The following ZNF540 variants were observed in gnomAD, a reference collection of about 807,000 sequenced individuals.
The protein encoded by ZNF540 is CTD-3064H18.6.
Under a neutral mutation model 11.8 loss-of-function variants are expected in ZNF540, and 3 were observed. That is an observed-to-expected ratio of 0.25 (90% confidence interval 0.12 to 0.65). The LOEUF (loss-of-function observed/expected upper bound fraction) is 0.65, where lower values mean the gene tolerates loss of function less well. ZNF540 is among the 30% of genes least tolerant of loss of function. The pLI is 0.83. For missense variants in ZNF540, 709 were observed against 793.1 expected (o/e 0.89, Z 1.27); for synonymous variants, 247 against 259.0 (o/e 0.95, Z 0.45).
intron 2 of ZNF540, 106 bp downstream of exon 2, chr19:37,598,562 C>A: frequency 1.5e-6 from 2 of 1,298,296 alleles, no homozygotes; most frequent in East Asian, 2.3e-5. Context: ...TTCTTCATCC[C>A]CACATTTCCA....
upstream of ZNF540, among the ~76,000 whole-genome samples, chr19:37,593,125 G>GTT (rs767668305): frequency 6.8e-6 from 1 of 146,522 alleles, no homozygotes. Context: ...CTTATTGTTA[G>GTT]TTTTTTTTTT....
chr19:37,571,578 T>C (rs914945204), intron 1 of ZNF540, among the ~76,000 whole-genome samples: 1 of 152,208 alleles, frequency 6.6e-6, no homozygotes, highest in African/African-American at 2.4e-5. Context: ...CCCCAACTTA[T>C]GATACTTAGA....
chr19:37,574,894 C>A (rs1357991036), intron 1 of ZNF540, among the ~76,000 whole-genome samples: 3 of 152,184 alleles, frequency 2.0e-5, no homozygotes, highest in Non-Finnish European at 4.4e-5. Context: ...CATGAGTCGG[C>A]CTTCATAACT....
intron 1 of ZNF540, among the ~76,000 whole-genome samples, chr19:37,553,539 A>T (rs2042630276): frequency 6.6e-6 from 1 of 152,028 alleles, no homozygotes; most frequent in Non-Finnish European, 1.5e-5. Context: ...TGTTTCTCTT[A>T]TCTATCCTTA....
chr19:37,574,736 G>T (rs1326432105), intron 1 of ZNF540, among the ~76,000 whole-genome samples: 4 of 152,000 alleles, frequency 2.6e-5, no homozygotes, highest in Non-Finnish European at 5.9e-5. Context: ...ACTTCCAAAT[G>T]ATAGTTTCAA....
At position 37,613,014 on chromosome 19, in the gene ZNF540, A is replaced by G; in HGVS notation, c.1734A>G (p.Pro578=). ...EHQKIHTGVK[P]YKCKECGKAF... is the part of the protein sequence containing the mutation. ...AGAAAATTCATACGGGTGTAAAACC[A>G]TACAAATGTAAAGAATGTGGGAAGG... Residue 578 remains proline (P), a synonymous_variant, in exon 5 of 5, where the codon CCA becomes CCG. Transcript: ENST00000316433. 1 of 1,614,128 alleles carries G rather than the reference A, an allele frequency of 6.2e-7. No homozygotes were observed.
At chr19:37,608,993 T>C (rs1412093673) in intron 4 of ZNF540, among the ~76,000 whole-genome samples, 3 of 152,132 alleles carry the variant, frequency 2.0e-5, no homozygotes, top group Non-Finnish European at 4.4e-5. Flanking sequence ...ACCCTCCAGC[T>C]TTCATTTAAC....
intron 1 of ZNF540, among the ~76,000 whole-genome samples, chr19:37,577,108 C>T (rs547424316): frequency 6.6e-6 from 1 of 152,098 alleles, no homozygotes; most frequent in African/African-American, 2.4e-5. Context: ...TTACAACAAA[C>T]TTAATGAAAT....
intron 1 of ZNF540, among the ~76,000 whole-genome samples, chr19:37,576,779 T>A (rs1174406748): frequency 6.6e-6 from 1 of 152,188 alleles, no homozygotes; most frequent in East Asian, 1.9e-4. Flanking sequence ...TACCCCAATA[T>A]GCTTAGCCAT....
At chr19:37,589,684 C>A (rs1403927073) in intron 1 of ZNF540, among the ~76,000 whole-genome samples, 1 of 151,576 alleles carries the variant, frequency 6.6e-6, no homozygotes, top group East Asian at 1.9e-4. Flanking sequence ...GGCCAATGAA[C>A]TGAAGCAGTA....
rs771645619 is a variant in ZNF540, at chr19:37,612,345, C to A, written c.1065C>A (p.Tyr355Ter). Residue 355 changes from tyrosine to a stop codon, truncating the protein, a stop_gained, in exon 5 of 5, where the codon TAC (tyrosine) becomes TAA (stop). Transcript: ENST00000316433. LOFTEE classifies it low-confidence loss of function (END_TRUNC). ...AAATTCATACTGGTGTAAAACCCTA[C>A]GAATGTAAGGAATGTGGAAAGACCT... ...HQKIHTGVKP[Y>*]ECKECGKTFR... 3.7e-6 allele frequency: 6 copies of A among 1,613,720 alleles called. No homozygotes were observed. The highest frequency in any genetic ancestry group is 5.1e-6 in the Non-Finnish European group (6 of 1,179,948).
chr19:37,601,213 A>T, intron 4 of ZNF540, 108 bp downstream of exon 4: 1 of 829,016 alleles, frequency 1.2e-6, no homozygotes, highest in Non-Finnish European at 1.9e-6. Flanking sequence ...TTACTCTCAG[A>T]GGCCTCAGGC....
rs769915296 is a variant in ZNF540, at chr19:37,611,739, A to T, written c.459A>T (p.Arg153Ser). The T allele has an allele frequency of 2.5e-6, 4 of 1,613,904 alleles. No individual in the cohort carries two copies. In the South Asian group the frequency reaches 4.4e-5, roughly 18 times the overall value. ...TCTCTAAAAAAATGTCAACTGATAG[A>T]AAACGTCCCTCTTTTACTCTGAATC... ...KIVSKKMSTD[R>S]KRPSFTLNQR... The change falls in exon 5 of 5, where the codon AGA (arginine) becomes AGT (serine). Residue 153 changes from arginine (R) to serine (S), a missense_variant. By Grantham distance (110) the Arg-to-Ser change is moderately radical. Transcript: ENST00000316433.
At chr19:37,604,126 G>T (rs931477894) in intron 4 of ZNF540, among the ~76,000 whole-genome samples, 1 of 151,836 alleles carries the variant, frequency 6.6e-6, no homozygotes, top group Non-Finnish European at 1.5e-5. Context: ...AGACGTCTAT[G>T]AAATTGTTTG....
intron 1 of ZNF540, among the ~76,000 whole-genome samples, chr19:37,595,988 A>AT (rs930832223): frequency 2.6e-5 from 4 of 151,866 alleles, no homozygotes; most frequent in Admixed American, 1.3e-4. Flanking sequence ...ACTTCCTTAA[A>AT]TTTTTTTTTA....
At chr19:37,584,133 G>A in intron 1 of ZNF540, 1 of 1,612,750 alleles carries the variant, frequency 6.2e-7, no homozygotes, top group South Asian at 1.1e-5. Flanking sequence ...TGATTCTACA[G>A]GAATGATTCT....
chr19:37,588,150 A>C (rs1221010239), intron 1 of ZNF540, among the ~76,000 whole-genome samples: 2 of 150,700 alleles, frequency 1.3e-5, no homozygotes, highest in Non-Finnish European at 3.0e-5. Flanking sequence ...AAAATAATAT[A>C]TATAAAATGA....
At chr19:37,566,750 T>C (rs2042874890) in intron 1 of ZNF540, among the ~76,000 whole-genome samples, 1 of 152,204 alleles carries the variant, frequency 6.6e-6, no homozygotes, top group South Asian at 2.1e-4. Context: ...TCCTTGCTTC[T>C]ATGATCTATT....
intron 1 of ZNF540, chr19:37,555,149 G>A (rs576773849): frequency 2.6e-4 from 40 of 152,272 alleles, no homozygotes; most frequent in African/African-American, 9.4e-4. Flanking sequence ...AAGTCCTTGA[G>A]GAAGCGGCTG....
Sources: allele counts gnomAD v4.1 joint callset (sites outside exome capture counted in the v4.1 genomes callset), GRCh38; gene constraint gnomAD v4.1.1; transcripts MANE v1.5; gene names NCBI Gene and HGNC (gene_info 2026-07-23, HGNC 2026-07-21).